Variants in NUP153 observed in about 807,000 individuals in gnomAD.
NUP153 encodes nuclear pore complex protein Nup153.
In NUP153, 27 loss-of-function variants were observed where a neutral mutation model predicts 134.6. The observed-to-expected ratio is 0.20, with a 90% CI of 0.15 to 0.28. The LOEUF (loss-of-function observed/expected upper bound fraction) is 0.28, where lower values mean the gene tolerates loss of function less well. NUP153 is among the 10% of genes least tolerant of loss of function. The pLI, the probability that NUP153 is intolerant of heterozygous loss-of-function variation, is 1.00. For synonymous variants in NUP153, 640 were observed against 623.5 expected (o/e 1.03, Z -0.40); for missense variants, 1,821 against 1,731.3 (o/e 1.05, Z -0.92).
chr6:17,628,528 T>C lies in NUP153; in HGVS notation c.3544+127A>G, dbSNP rs530820670. ...AATCCTAGGTTCCTTCCCAAAGAGTTCTGTATTTCTCAACTATGTTCAGTG... is the reference window on the plus strand; with the variant it reads ...AATCCTAGGTTCCTTCCCAAAGAGTCCTGTATTTCTCAACTATGTTCAGTG... On this transcript the variant is annotated intron_variant, in intron 18 of 21. Coordinates refer to ENST00000262077, the MANE Select transcript of NUP153 (RefSeq NM_005124.4). The surrounding 1 kb of genome is among the most constrained non-coding windows in gnomAD (Gnocchi z 5.4). The C allele has an allele frequency of 4.5e-4, 199 of 439,620 alleles. No homozygotes were observed. Among genetic ancestry groups the C allele is most frequent in the South Asian group, 9.4e-4 (8 of 8,544 alleles). The allele number at this position is 439,620 out of a possible 1,614,324, so 27.2% of individuals were successfully genotyped here.
At chr6:17,645,965 A>C (rs1455327241) in intron 14 of NUP153, 102 bp downstream of exon 14, 3 of 481,934 alleles carry the variant, frequency 6.2e-6, no homozygotes, top group Non-Finnish European at 1.1e-5. Flanking sequence ...ATTTCATCCA[A>C]ATGAAGGCAT....
At chr6:17,704,297 A>AG (rs1770327016) in intron 1 of NUP153, among the ~76,000 whole-genome samples, 1 of 152,164 alleles carries the variant, frequency 6.6e-6, no homozygotes, top group African/African-American at 2.4e-5. Context: ...GTCTCAAAAA[A>AG]AAAAAAAAAA....
intron 8 of NUP153, among the ~76,000 whole-genome samples, chr6:17,668,702 G>A (rs1309019767): frequency 6.6e-6 from 1 of 151,884 alleles, no homozygotes; most frequent in Admixed American, 6.6e-5. Context: ...AATGAGCAGG[G>A]CATGATGGCA....
intron 20 of NUP153, among the ~76,000 whole-genome samples, chr6:17,617,673 T>C (rs1200701958): frequency 1.3e-5 from 2 of 151,672 alleles, no homozygotes; most frequent in Non-Finnish European, 2.9e-5. Context: ...CGAGATCCTA[T>C]CTCTATAAAA....
chr6:17,676,999 C>T (rs1328264368), intron 2 of NUP153, among the ~76,000 whole-genome samples: 1 of 152,188 alleles, frequency 6.6e-6, no homozygotes, highest in African/African-American at 2.4e-5. Flanking sequence ...ATGCTGAGGA[C>T]TCTCAAGTTT....
chr6:17,701,389 T>G (rs1435344834), intron 1 of NUP153, among the ~76,000 whole-genome samples: 1 of 151,290 alleles, frequency 6.6e-6, no homozygotes, highest in Non-Finnish European at 1.5e-5. Context: ...TTAGGCCGAG[T>G]GTGGTAGCTC....
intron 1 of NUP153, among the ~76,000 whole-genome samples, chr6:17,697,287 A>C (rs1232204453): frequency 6.6e-6 from 1 of 152,220 alleles, no homozygotes; most frequent in Non-Finnish European, 1.5e-5. Context: ...CTAATTAAAA[A>C]TTCAATCTGG....
intron 11 of NUP153, 97 bp downstream of exon 11, chr6:17,661,556 G>C (rs1411345905): frequency 8.5e-7 from 1 of 1,175,548 alleles, no homozygotes; most frequent in Non-Finnish European, 1.1e-6. Context: ...TTTTGCTCTG[G>C]GTCTCTTCGA....
intron 11 of NUP153, among the ~76,000 whole-genome samples, chr6:17,660,613 G>A (rs1001112367): frequency 1.5e-4 from 22 of 151,296 alleles, no homozygotes; most frequent in Non-Finnish European, 2.8e-4. Context: ...TATCCCTACA[G>A]GAAATAACCC....
chr6:17,693,610 G>A (rs1244760807), intron 1 of NUP153, among the ~76,000 whole-genome samples: 1 of 152,222 alleles, frequency 6.6e-6, no homozygotes, highest in African/African-American at 2.4e-5. Context: ...TTTGAGGCCG[G>A]GAACAGTGGC....
In NUP153 at chr6:17,675,155, G is replaced by GAAAAAAA; in HGVS notation, c.723+67_723+73dup. ...GCAACAGCAAAAGACTCTTGTCTCA[G>GAAAAAAA]AAAAAAAAAAAAAAATTATAAGCAA... On this transcript the variant is annotated intron_variant, in intron 4 of 21. Coordinates refer to ENST00000262077, the MANE Select transcript of NUP153 (RefSeq NM_005124.4). The surrounding 1 kb of genome is among the most constrained non-coding windows in gnomAD (Gnocchi z 4.4). The GAAAAAAA allele has an allele frequency of 7.7e-7, 1 of 1,291,948 alleles. No homozygotes were observed. Among genetic ancestry groups the GAAAAAAA allele is most frequent in the Non-Finnish European group, 1.1e-6 (1 of 952,066 alleles). 80.0% of individuals were successfully genotyped at this position (1,291,948 alleles called of 1,614,324 possible).
At chr6:17,649,547 T>C (rs908680017) in intron 11 of NUP153, among the ~76,000 whole-genome samples, 12 of 117,702 alleles carry the variant, frequency 1.0e-4, no homozygotes, top group South Asian at 3.4e-4. Flanking sequence ...GGAAAAAAGA[T>C]AGTAATTCTT....
At chr6:17,641,842 A>T (rs1581691333) in intron 14 of NUP153, among the ~76,000 whole-genome samples, 1 of 151,618 alleles carries the variant, frequency 6.6e-6, no homozygotes, top group Non-Finnish European at 1.5e-5. Flanking sequence ...ACAGAGCGAG[A>T]CTGTCTCAGA....
chr6:17,697,034 G>T (rs1769696087), intron 1 of NUP153, among the ~76,000 whole-genome samples: 1 of 151,288 alleles, frequency 6.6e-6, no homozygotes, highest in African/African-American at 2.4e-5. Flanking sequence ...TCACACCACT[G>T]CACTCCAGCC....
intron 20 of NUP153, among the ~76,000 whole-genome samples, chr6:17,617,421 G>A (rs141866112): frequency 7.2e-6 from 1 of 138,328 alleles, no homozygotes; most frequent in African/African-American, 2.7e-5. Context: ...TACCCAAAAT[G>A]TTTAGGTTCC....
In NUP153 at chr6:17,616,524, T is replaced by C. The variant is rs1764335250; in HGVS notation, c.4343+3A>G. The C allele has an allele frequency of 6.2e-7, 1 of 1,600,442 alleles. No individual in the cohort carries two copies. Among genetic ancestry groups the C allele is most frequent in the Non-Finnish European group, 8.5e-7 (1 of 1,174,186 alleles). On this transcript the variant is annotated splice_donor_region_variant and intron_variant, in intron 21 of 21. Transcript: ENST00000262077. ...TCTCCATTTCAATAAAAAATTCTCT[T>C]ACCCCACTGTAAATGCTGCTGGAGA...
At chr6:17,661,885 T>A (rs1396725793) in intron 10 of NUP153, 106 bp from the exon 11 acceptor site, 1 of 1,287,820 alleles carries the variant, frequency 7.8e-7, no homozygotes, top group East Asian at 2.3e-5. Context: ...CTGAACGTGA[T>A]TCTAAAATCT....
At chr6:17,645,372 T>C (rs1458641552) in intron 14 of NUP153, among the ~76,000 whole-genome samples, 1 of 152,090 alleles carries the variant, frequency 6.6e-6, no homozygotes, top group Non-Finnish European at 1.5e-5. Context: ...TAGCTCACTG[T>C]AGCCTTGAAT....
intron 20 of NUP153, among the ~76,000 whole-genome samples, chr6:17,623,330 C>G (rs1347915931): frequency 2.3e-5 from 3 of 132,768 alleles, no homozygotes; most frequent in Non-Finnish European, 3.1e-5. Flanking sequence ...TACAAACTTA[C>G]ACGCAAAAGC....
Sources: gnomAD v4.1 joint callset for allele counts (sites outside exome capture counted in the v4.1 genomes callset) on GRCh38, gnomAD v4.1.1 for gene constraint, Gnocchi (gnomAD v3.1) non-coding constraint, MANE v1.5 for transcripts, NCBI Gene and HGNC (gene_info 2026-07-23, HGNC 2026-07-21) for gene names.